The following ZFPM1 variants were observed in gnomAD, a reference collection of about 807,000 sequenced individuals.
ZFPM1 encodes the protein zinc finger protein ZFPM1.
A neutral mutation model predicts 46.3 loss-of-function variants in ZFPM1; 28 were observed. The ratio of observed to expected loss-of-function variants is 0.60; its 90% CI spans 0.45 to 0.83. The LOEUF (loss-of-function observed/expected upper bound fraction) is 0.83, where lower values mean the gene tolerates loss of function less well. Ranked by LOEUF, ZFPM1 falls within the 40% of genes least tolerant of loss-of-function variation. ZFPM1 has a pLI of 0.00. For missense variants in ZFPM1, 1,878 were observed against 1,432.4 expected, an observed-to-expected ratio of 1.31 and a Z score of -5.02; for synonymous variants, 957 against 675.9, an observed-to-expected ratio of 1.42 and a Z score of -6.45.
intron 1 of ZFPM1, among the ~76,000 whole-genome samples, chr16:88,470,336 T>C (rs1048241618): frequency 2.0e-5 from 3 of 152,206 alleles, no homozygotes; most frequent in African/African-American, 4.8e-5. Context: ...TCCAAACCTG[T>C]ACTGAGTGCC....
chr16:88,511,597 A>C (rs1014443106), intron 3 of ZFPM1, among the ~76,000 whole-genome samples: 4 of 151,974 alleles, frequency 2.6e-5, no homozygotes, highest in Non-Finnish European at 5.9e-5. Flanking sequence ...GAGGCACCCC[A>C]TCTGCCAGGA....
At chr16:88,460,895 A>G (rs1013186883) in intron 1 of ZFPM1, among the ~76,000 whole-genome samples, 17 of 125,556 alleles carry the variant, frequency 1.4e-4, no homozygotes, top group South Asian at 2.8e-4. Flanking sequence ...GGACTGAGGG[A>G]TGGGAGGCCT....
chr16:88,527,622 G>A (rs534051032), intron 5 of ZFPM1, among the ~76,000 whole-genome samples: 7 of 152,088 alleles, frequency 4.6e-5, no homozygotes, highest in Admixed American at 1.3e-4. Context: ...TTTGTGGGCT[G>A]AGGCTGCCCC....
At chr16:88,516,314 T>G (rs1045425734) in intron 4 of ZFPM1, 7 of 397,748 alleles carry the variant, frequency 1.8e-5, no homozygotes, top group Non-Finnish European at 2.7e-5. Context: ...CCCCTCCCTG[T>G]CCGCCTGCCT....
At position 88,532,074 on chromosome 16, in the gene ZFPM1, A is replaced by G. The variant is rs1407778789; in HGVS notation, c.785A>G (p.Tyr262Cys). 1 of 1,612,474 alleles carries G rather than the reference A, an allele frequency of 6.2e-7. No homozygotes were observed. ...SERNLQAHLL[Y>C]YCASRQGTGS... Reference sequence around the variant, plus strand: ...CGCAACCTGCAGGCGCACCTGCTCTACTACTGCGCCAGCCGCCAGGGCACC... The same window carrying G: ...CGCAACCTGCAGGCGCACCTGCTCTGCTACTGCGCCAGCCGCCAGGGCACC... The change falls in exon 7 of 10, where the codon TAC becomes TGC. Residue 262 changes from tyrosine to cysteine, a missense_variant. By Grantham distance (194) the Tyr-to-Cys change is radical (BLOSUM62 -2). Transcript: ENST00000319555.
At position 88,533,231 on chromosome 16, in the gene ZFPM1, T is replaced by C. The variant is rs757397198; in HGVS notation, c.1273T>C (p.Ser425Pro). The C allele has an allele frequency of 9.6e-6, 15 of 1,560,608 alleles. No individual in the cohort carries two copies. The East Asian group carries it at 2.8e-4, about 29-fold the overall frequency. ...GGACCTGGGCCTGGCGCCCACCCCA[T>C]CGCCAGGACTGGACAGAAAGGCCCT... is the stretch of plus-strand genomic sequence containing the variant. ...SADLGLAPTPSPGLDRKALAE... is the reference protein window; with the variant it reads ...SADLGLAPTPPPGLDRKALAE... Residue 425 changes from serine to proline, a missense_variant, in exon 10 of 10, where the codon TCG (serine) becomes CCG (proline). Ser to Pro is a moderately conservative substitution (Grantham distance 74, BLOSUM62 -1). Coordinates refer to ENST00000319555, the MANE Select transcript of ZFPM1 (RefSeq NM_153813.3).
At chr16:88,473,224 C>T (rs968180975) in intron 1 of ZFPM1, among the ~76,000 whole-genome samples, 1 of 152,262 alleles carries the variant, frequency 6.6e-6, no homozygotes. Context: ...GGGGTGAATC[C>T]TGCTCCTGGC....
At chr16:88,494,343 C>T (rs1046406068) in intron 3 of ZFPM1, among the ~76,000 whole-genome samples, 5 of 152,110 alleles carry the variant, frequency 3.3e-5, no homozygotes, top group African/African-American at 1.2e-4. Context: ...CCCCCCAAAC[C>T]CCGTTACCCT....
chr16:88,457,167 T>G (rs1423970220), intron 1 of ZFPM1, among the ~76,000 whole-genome samples: 1 of 152,228 alleles, frequency 6.6e-6, no homozygotes, highest in Non-Finnish European at 1.5e-5. Context: ...CAGAGAGGGC[T>G]GGGTTGGGCC....
chr16:88,532,387 CAGAG>C, intron 7 of ZFPM1, 152 bp downstream of exon 7: 1 of 934,676 alleles, frequency 1.1e-6, no homozygotes, highest in Non-Finnish European at 1.6e-6. Flanking sequence ...CGCAGGGGCC[CAGAG>C]CAGGCAGGCC....
chr16:88,517,532 G>A (rs576034018), intron 4 of ZFPM1, among the ~76,000 whole-genome samples: 8 of 150,172 alleles, frequency 5.3e-5, no homozygotes, highest in Admixed American at 4.7e-4. Flanking sequence ...GGATAGGTGG[G>A]TGGATGGATG....
At position 88,536,623 on chromosome 16, in the gene ZFPM1, G is replaced by C; in HGVS notation, c.*1644G>C. 1 of 152,418 alleles carries C rather than the reference G, an allele frequency of 6.6e-6. No homozygotes were observed. Among genetic ancestry groups the C allele is most frequent in the South Asian group, 2.1e-4 (1 of 4,832 alleles). 9.4% of individuals were successfully genotyped at this position (152,418 alleles called of 1,614,324 possible). On this transcript the variant is annotated 3_prime_UTR_variant, in exon 10 of 10. Transcript: ENST00000319555. ...GGGCTCGCTCTCCTGCCCGCAGCTC[G>C]TGGGCCTGGGTCTGCAGCGCTTTCA... is the stretch of plus-strand genomic sequence containing the variant.
chr16:88,514,420 G>A lies in ZFPM1; in HGVS notation c.302G>A (p.Arg101Lys), dbSNP rs1312656700. 4 of 1,560,918 alleles carry A rather than the reference G, an allele frequency of 2.6e-6. No individual in the cohort carries two copies. Among genetic ancestry groups the A allele is most frequent in the Non-Finnish European group, 3.5e-6 (4 of 1,152,962 alleles). ...ELEPVVQDGQ[R>K]RIRARLSLAT... Reference sequence around the variant, plus strand: ...GAGCCGGTGGTGCAGGATGGGCAGAGGCGCATACGGGCCCGACTCAGCCTC... The same window carrying A: ...GAGCCGGTGGTGCAGGATGGGCAGAAGCGCATACGGGCCCGACTCAGCCTC... Residue 101 changes from arginine (R) to lysine (K), a missense_variant, in exon 4 of 10, where the codon AGG (arginine) becomes AAG (lysine). Physicochemically the swap from Arg to Lys is conservative, Grantham distance 26. Coordinates refer to ENST00000319555, the MANE Select transcript of ZFPM1 (RefSeq NM_153813.3).
Position 88,533,937 on chromosome 16 carries a change from G to C in ZFPM1, c.1979G>C (p.Gly660Ala). 2.4e-6 allele frequency: 3 copies of C among 1,263,434 alleles called. No homozygotes were observed. Among genetic ancestry groups the C allele is most frequent in the Non-Finnish European group, 3.0e-6 (3 of 984,480 alleles). The allele number at this position is 1,263,434 out of a possible 1,614,324, so 78.3% of individuals were successfully genotyped here. The change falls in exon 10 of 10, where the codon GGC (glycine) becomes GCC (alanine). Residue 660 changes from glycine (G) to alanine (A), a missense_variant. Transcript: ENST00000319555. ...GAATPEDGAGGRGSEGSQSPG... is the reference protein window; with the variant it reads ...GAATPEDGAGARGSEGSQSPG... Reference sequence around the variant, plus strand: ...GCCACGCCCGAGGACGGCGCGGGCGGCCGGGGCAGCGAGGGCAGCCAGAGC... The same window carrying C: ...GCCACGCCCGAGGACGGCGCGGGCGCCCGGGGCAGCGAGGGCAGCCAGAGC...
intron 4 of ZFPM1, among the ~76,000 whole-genome samples, chr16:88,515,845 C>T (rs940302401): frequency 2.6e-5 from 4 of 152,172 alleles, no homozygotes; most frequent in Admixed American, 2.0e-4. Context: ...CGCGTGTGAG[C>T]GGCAGTTGAT....
At chr16:88,509,067 G>A (rs1249550343) in intron 3 of ZFPM1, among the ~76,000 whole-genome samples, 1 of 152,144 alleles carries the variant, frequency 6.6e-6, no homozygotes, top group East Asian at 1.9e-4. Flanking sequence ...CTCTGGCCTC[G>A]GTTTCTGTGT....
In ZFPM1 at chr16:88,533,641, C is replaced by T. The variant is rs1597291559; in HGVS notation, c.1683C>T (p.Gly561=). 5 of 1,457,984 alleles carry T rather than the reference C, an allele frequency of 3.4e-6. No homozygotes were observed. The highest frequency in any genetic ancestry group is 2.1e-4 in the Middle Eastern group (1 of 4,774). The allele number at this position is 1,457,984 out of a possible 1,614,324, so 90.3% of individuals were successfully genotyped here. The change falls in exon 10 of 10, where the codon GGC becomes GGT. Residue 561 remains glycine (G), a synonymous_variant. Coordinates refer to ENST00000319555, the MANE Select transcript of ZFPM1 (RefSeq NM_153813.3). ...HSRLQQGAGA[G]AGGAQTGLFP... ...GGCTGCAGCAGGGCGCGGGCGCGGG[C>T]GCCGGCGGCGCGCAGACCGGGCTCT...
At chr16:88,519,266 TGGAG>T in intron 4 of ZFPM1, among the ~76,000 whole-genome samples, 1 of 146,366 alleles carries the variant, frequency 6.8e-6, no homozygotes, top group Non-Finnish European at 1.5e-5. Context: ...GATGGATGAG[TGGAG>T]GGATGGATGG....
rs1032950924 is a variant in ZFPM1, at chr16:88,526,838, G to A, written c.427G>A (p.Val143Met). The A allele has an allele frequency of 2.6e-6, 4 of 1,557,246 alleles. No homozygotes were observed. The highest frequency in any genetic ancestry group is 2.6e-6 in the Non-Finnish European group (3 of 1,149,744). ...GAGCCCAGCCCTGACCCTGCTGCTGGTGGACGAGGCCTGCTGGCTGAGGAC... is the reference window on the plus strand; with the variant it reads ...GAGCCCAGCCCTGACCCTGCTGCTGATGGACGAGGCCTGCTGGCTGAGGAC... ...EPSPALTLLL[V>M]DEACWLRTLP... is the part of the protein sequence containing the mutation. The change falls in exon 5 of 10, where the codon GTG (valine) becomes ATG (methionine). Residue 143 changes from valine to methionine, a missense_variant. By Grantham distance (21) the Val-to-Met change is conservative (BLOSUM62 1). Coordinates refer to ENST00000319555, the MANE Select transcript of ZFPM1 (RefSeq NM_153813.3).
Sources: allele counts gnomAD v4.1 joint callset (sites outside exome capture counted in the v4.1 genomes callset), GRCh38; gene constraint gnomAD v4.1.1; transcripts MANE v1.5; gene names NCBI Gene and HGNC (gene_info 2026-07-23, HGNC 2026-07-21).